CSMD3: variants seen among roughly 807,000 people sequenced by gnomAD.
CSMD3 encodes CUB and sushi domain-containing protein 3.
CSMD3 carries 177 observed loss-of-function variants against 435.2 expected under a neutral mutation model. The observed-to-expected ratio is 0.41, with a 90% CI of 0.36 to 0.46. CSMD3 has a LOEUF of 0.46. Among genes scored for constraint, CSMD3 ranks in the 20% least tolerant of loss-of-function variants. The pLI is 0.34. For missense variants in CSMD3, 4,265 were observed against 4,504.6 expected (o/e 0.95, Z 1.52); for synonymous variants, 1,656 against 1,520.5 (o/e 1.09, Z -2.07).
intron 2 of CSMD3, among the ~76,000 whole-genome samples, chr8:113,291,877 A>G (rs1461547413): frequency 6.6e-6 from 1 of 151,876 alleles, no homozygotes; most frequent in African/African-American, 2.4e-5. Flanking sequence ...TGAAAATAAC[A>G]ATAAAAGTAA....
intron 12 of CSMD3, among the ~76,000 whole-genome samples, chr8:112,814,781 CA>C (rs112177665): frequency 0.026 from 3,371 of 131,114 alleles, 95 homozygotes; most frequent in African/African-American, 0.078. Flanking sequence ...GACTCCATCT[CA>C]AAAAAAAAAA....
intron 23 of CSMD3, among the ~76,000 whole-genome samples, chr8:112,586,626 C>T (rs530746848): frequency 1.2e-4 from 18 of 150,800 alleles, no homozygotes; most frequent in South Asian, 6.3e-4. Context: ...AGATTCTTCA[C>T]GTATTAACAA....
chr8:113,412,422 C>A (rs1033524409), intron 1 of CSMD3, among the ~76,000 whole-genome samples: 6 of 151,988 alleles, frequency 3.9e-5, no homozygotes, highest in Admixed American at 2.0e-4. Flanking sequence ...AATTTCCCCC[C>A]AAAAACAACA....
At chr8:112,423,884 T>C (rs1412731238) in intron 32 of CSMD3, among the ~76,000 whole-genome samples, 1 of 152,122 alleles carries the variant, frequency 6.6e-6, no homozygotes, top group Admixed American at 6.5e-5. Flanking sequence ...GTATTCAAGT[T>C]CCATGCGTTG....
Position 112,645,213 on chromosome 8 carries a change from C to T in CSMD3, c.3206G>A (p.Gly1069Glu). The T allele has an allele frequency of 6.4e-7, 1 of 1,558,534 alleles. No individual in the cohort carries two copies. The highest frequency in any genetic ancestry group is 1.4e-5 in the African/African-American group (1 of 73,962). Residue 1069 changes from glycine (G) to glutamate (E), a missense_variant, in exon 20 of 71, where the codon GGA (glycine) becomes GAA (glutamate). Coordinates refer to ENST00000297405, the MANE Select transcript of CSMD3 (RefSeq NM_198123.2). ...TGTTCCACTAGGCCCTCTAACATCT[C>T]CTCCACATAATGCTGAAATACAAAG... The part of the protein sequence containing the change: ...PLPTCDALCG[G>E]DVRGPSGTIL...
chr8:112,350,218 G>C (rs574400451), intron 40 of CSMD3, among the ~76,000 whole-genome samples: 111 of 151,298 alleles, frequency 7.3e-4, no homozygotes, highest in African/African-American at 2.6e-3. Context: ...AACCCAAGCA[G>C]AGGAATGTAA....
intron 46 of CSMD3, among the ~76,000 whole-genome samples, chr8:112,319,647 A>G (rs1437175119): frequency 1.3e-5 from 2 of 152,206 alleles, no homozygotes; most frequent in Non-Finnish European, 2.9e-5. Flanking sequence ...AACCATCAGA[A>G]TACAGTTAAC....
chr8:112,857,597 G>A (rs2080698466), intron 11 of CSMD3, among the ~76,000 whole-genome samples: 1 of 151,710 alleles, frequency 6.6e-6, no homozygotes, highest in Non-Finnish European at 1.5e-5. Flanking sequence ...CTTACTGTGA[G>A]ATAAGTCTTT....
At chr8:112,228,064 T>A (rs575766546) in intron 70 of CSMD3, among the ~76,000 whole-genome samples, 243 of 152,086 alleles carry the variant, frequency 1.6e-3, no homozygotes, top group African/African-American at 5.8e-3. Flanking sequence ...TATATATCAA[T>A]TTTGGAGGAA....
rs548214790 is a variant in CSMD3, at chr8:113,075,959, T to C, written c.917+22797A>G. On this transcript the variant is annotated intron_variant, in intron 5 of 70. Transcript: ENST00000297405. ...AAAGATAATTTAATAGACTAGGTGA[T>C]TTAAAAAATTCAATCAAGCAGTCAC... Among the ~76,000 whole-genome samples, 6 of 151,952 alleles carry C rather than the reference T, an allele frequency of 3.9e-5. No homozygotes were observed. The South Asian group carries it at 1.2e-3, about 32-fold the overall frequency.
chr8:113,291,715 A>G (rs1475578041), intron 2 of CSMD3, among the ~76,000 whole-genome samples: 2 of 152,004 alleles, frequency 1.3e-5, no homozygotes, highest in African/African-American at 2.4e-5. Context: ...ATAGAGAAAT[A>G]TGTTATTGAC....
At chr8:113,308,423 C>T (rs911191517) in intron 2 of CSMD3, among the ~76,000 whole-genome samples, 1 of 151,792 alleles carries the variant, frequency 6.6e-6, no homozygotes, top group Non-Finnish European at 1.5e-5. Flanking sequence ...CGCCCAACAC[C>T]ACGCCCGGCT....
chr8:112,585,796 C>A (rs1830678180), intron 23 of CSMD3, among the ~76,000 whole-genome samples: 1 of 151,550 alleles, frequency 6.6e-6, no homozygotes, highest in Non-Finnish European at 1.5e-5. Context: ...CTTATCTATG[C>A]ATTGATACAT....
chr8:113,245,682 A>G (rs1178749009), intron 3 of CSMD3, among the ~76,000 whole-genome samples: 1 of 152,006 alleles, frequency 6.6e-6, no homozygotes, highest in Admixed American at 6.6e-5. Context: ...ACATTTATTT[A>G]TACTGTATTT....
At chr8:112,883,396 A>G (rs1284577226) in intron 10 of CSMD3, among the ~76,000 whole-genome samples, 5 of 152,018 alleles carry the variant, frequency 3.3e-5, no homozygotes, top group Admixed American at 2.6e-4. Flanking sequence ...GCTAGAAAAC[A>G]TAATTGCAAA....
intron 13 of CSMD3, among the ~76,000 whole-genome samples, chr8:112,774,931 T>C (rs2078208326): frequency 6.6e-6 from 1 of 151,996 alleles, no homozygotes; most frequent in Non-Finnish European, 1.5e-5. Context: ...ATTTTTAATC[T>C]CATCTGCTGG....
chr8:112,471,543 G>C (rs1040663015), intron 32 of CSMD3, among the ~76,000 whole-genome samples: 11 of 152,066 alleles, frequency 7.2e-5, no homozygotes, highest in Non-Finnish European at 1.6e-4. Flanking sequence ...AAAATAAAAG[G>C]TTTAGTACTA....
chr8:112,589,631 A>G (rs956650747), intron 22 of CSMD3, among the ~76,000 whole-genome samples: 2 of 152,172 alleles, frequency 1.3e-5, no homozygotes, highest in Non-Finnish European at 2.9e-5. Context: ...GCTTATTTAA[A>G]CTGAGAAGAT....
chr8:113,040,836 A>C (rs548277467), intron 5 of CSMD3, among the ~76,000 whole-genome samples: 1 of 152,242 alleles, frequency 6.6e-6, no homozygotes, highest in Non-Finnish European at 1.5e-5. Flanking sequence ...AGTGAGCATA[A>C]ATAGAAGACC....
Sources: allele counts gnomAD v4.1 joint callset (sites outside exome capture counted in the v4.1 genomes callset), GRCh38; gene constraint gnomAD v4.1.1; transcripts MANE v1.5; gene names NCBI Gene and HGNC (gene_info 2026-07-23, HGNC 2026-07-21).